TTN: variants seen among roughly 807,000 people sequenced by gnomAD.
TTN encodes connectin.
TTN carries 1,525 observed loss-of-function variants against 3,223.0 expected under a neutral mutation model. That is an observed-to-expected ratio of 0.47 (90% CI 0.45 to 0.49). The LOEUF is 0.49. Among genes scored for constraint, TTN ranks in the 20% least tolerant of loss-of-function variants. The pLI, the probability that TTN is intolerant of heterozygous loss-of-function variation, is 0.00. For missense variants in TTN, 40,786 were observed against 43,424.0 expected (o/e 0.94, Z 5.40); for synonymous variants, 14,094 against 15,161.0 (o/e 0.93, Z 5.17).
In TTN at chr2:178,554,484, T is replaced by C. The variant is rs750981091; in HGVS notation, c.88863A>G (p.Glu29621=). Residue 29621 remains glutamate (E), a synonymous_variant, in exon 332 of 363, where the codon GAA becomes GAG. Transcript: ENST00000589042. ...VNKYGIGEPL[E]SDSVVAKNAF... is the part of the protein sequence containing the mutation. ...CGTTCTTGGCTACAACGGAATCAGA[T>C]TCCAGTGGCTCGCCAATTCCATATT... The C allele has an allele frequency of 1.2e-6, 2 of 1,613,490 alleles. No homozygotes were observed. Among genetic ancestry groups the C allele is most frequent in the African/African-American group, 1.3e-5 (1 of 74,930 alleles).
Position 178,588,539 on chromosome 2 carries a change from T to G in TTN, c.63186A>C (p.Ile21062=). ...PSRPVVAKDP[I]EPPGPPTNFR... ...TCAGAAAAAACAAGGACATCCTACC[T>G]ATGGGGTCTTTTGCCACCACCGGTC... The change falls in exon 304 of 363, where the codon ATA becomes ATC. Residue 21062 remains isoleucine (I), a splice_region_variant and synonymous_variant. Coordinates refer to ENST00000589042, the MANE Select transcript of TTN (RefSeq NM_001267550.2). 6.6e-7 allele frequency: 1 copy of G among 1,523,916 alleles called. No homozygotes were observed. Among genetic ancestry groups the G allele is most frequent in the Non-Finnish European group, 8.8e-7 (1 of 1,139,854 alleles). 94.4% of individuals were successfully genotyped at this position (1,523,916 alleles called of 1,614,324 possible).
chr2:178,527,727 C>A lies in TTN; in HGVS notation c.107399G>T (p.Arg35800Ile). The A allele has an allele frequency of 6.2e-7, 1 of 1,601,808 alleles. No individual in the cohort carries two copies. The highest frequency in any genetic ancestry group is 8.5e-7 in the Non-Finnish European group (1 of 1,172,000). The change falls in exon 362 of 363, where the codon AGA (arginine) becomes ATA (isoleucine). Residue 35800 changes from arginine (R) to isoleucine (I), a missense_variant. By Grantham distance (97) the Arg-to-Ile change is moderately conservative. Coordinates refer to ENST00000589042, the MANE Select transcript of TTN (RefSeq NM_001267550.2). ...MVLPLVEEPS[R>I]EVVLRTSGDT... ...ACCACTTGTTCTCAATACTACCTCTCTGGAAGGTTCTTCAACTAGAGCTGT... is the reference window on the plus strand; with the variant it reads ...ACCACTTGTTCTCAATACTACCTCTATGGAAGGTTCTTCAACTAGAGCTGT...
intron 88 of TTN, among the ~76,000 whole-genome samples, 199 bp from the exon 89 acceptor site, chr2:178,715,973 C>T (rs542404121): frequency 6.6e-6 from 1 of 152,138 alleles, no homozygotes; most frequent in Non-Finnish European, 1.5e-5. Flanking sequence ...TAAGCATCCA[C>T]ATCAAGTATT....
chr2:178,587,079 A>T (rs1478831027), intron 307 of TTN, 39 bp downstream of exon 307: 20 of 1,609,274 alleles, frequency 1.2e-5, no homozygotes, highest in African/African-American at 2.7e-5. Flanking sequence ...CTAAAATAGG[A>T]GACTGGGGTT....
chr2:178,722,152 A>G lies in TTN; in HGVS notation c.22529-18T>C. 1 of 1,536,276 alleles carries G rather than the reference A, an allele frequency of 6.5e-7. No homozygotes were observed. The highest frequency in any genetic ancestry group is 8.7e-7 in the Non-Finnish European group (1 of 1,145,512). On this transcript the variant is annotated intron_variant, in intron 77 of 362. Transcript: ENST00000589042. ...CTTGGGTTCTGGAGGATGAGAAGAAAGGCAATGTGTATTTTTTGTTTGTTT... is the reference window on the plus strand; with the variant it reads ...CTTGGGTTCTGGAGGATGAGAAGAAGGGCAATGTGTATTTTTTGTTTGTTT...
In TTN at chr2:178,773,554, C is replaced by A. The variant is rs369559000; in HGVS notation, c.7502G>T (p.Arg2501Leu). The change falls in exon 32 of 363, where the codon CGA becomes CTA. Residue 2501 changes from arginine to leucine, a missense_variant. Coordinates refer to ENST00000589042, the MANE Select transcript of TTN (RefSeq NM_001267550.2). Reference protein sequence around the residue: ...VQAIVKGTKQRLVINRTHASD... With the variant: ...VQAIVKGTKQLLVINRTHASD... ...AGCATGAGTTCGGTTAATGACTAGT[C>A]GCTGTTTAGTACCTTTCACAATGGC... 6.2e-7 allele frequency: 1 copy of A among 1,613,982 alleles called. No homozygotes were observed. Among genetic ancestry groups the A allele is most frequent in the East Asian group, 2.2e-5 (1 of 44,854 alleles).
Position 178,572,179 on chromosome 2 carries a change from G to A in TTN, c.73953C>T (p.Tyr24651=). The stretch of plus-strand genomic sequence containing the variant: ...TGCCTTTGGTCTGCATCTCCACAAT[G>A]TAGCCTAGAATTCGGCTGCCTCCAT... ...EHDGGSRILG[Y]IVEMQTKGSD... is the part of the protein sequence containing the mutation. Residue 24651 remains tyrosine (Y), a synonymous_variant, in exon 326 of 363, where the codon TAC becomes TAT. Transcript: ENST00000589042. The A allele has an allele frequency of 6.2e-7, 1 of 1,613,432 alleles. No homozygotes were observed. Among genetic ancestry groups the A allele is most frequent in the Non-Finnish European group, 8.5e-7 (1 of 1,179,622 alleles).
At chr2:178,757,465 G>T in intron 45 of TTN, 77 bp downstream of exon 45, 1 of 1,465,218 alleles carries the variant, frequency 6.8e-7, no homozygotes, top group Non-Finnish European at 9.0e-7. Context: ...AAAACAAACA[G>T]CAGAGACTCT....
chr2:178,787,594 G>C (rs1178042242), intron 13 of TTN, among the ~76,000 whole-genome samples: 1 of 152,024 alleles, frequency 6.6e-6, no homozygotes, highest in Non-Finnish European at 1.5e-5. Context: ...CTATGAAGTA[G>C]TCAGCTTAAG....
At chr2:178,727,443 A>G in intron 68 of TTN, 72 bp from the exon 69 acceptor site, 1 of 1,508,278 alleles carries the variant, frequency 6.6e-7, no homozygotes, top group Non-Finnish European at 8.9e-7. Flanking sequence ...GATAGTATAC[A>G]GGCAAGAGAA....
In TTN at chr2:178,709,847, A is replaced by T; in HGVS notation, c.28472T>A (p.Ile9491Asn). The T allele has an allele frequency of 6.2e-7, 1 of 1,611,218 alleles. No homozygotes were observed. The highest frequency in any genetic ancestry group is 8.5e-7 in the Non-Finnish European group (1 of 1,178,372). ...GAGTCTTTTAGTGAAACTTGGTGGG[A>T]TGAGCCGCTCTATAAGAAATTGCAA... Reference protein sequence around the residue: ...TAQLNIKERLIPPSFTKRLSE... With the variant: ...TAQLNIKERLNPPSFTKRLSE... Residue 9491 changes from isoleucine to asparagine, a missense_variant, in exon 99 of 363, where the codon ATC (isoleucine) becomes AAC (asparagine). Ile to Asn is a moderately radical substitution (Grantham distance 149, BLOSUM62 -3). Transcript: ENST00000589042.
intron 316 of TTN, 159 bp from the exon 317 acceptor site, chr2:178,580,768 T>C (rs2047517474): frequency 1.3e-6 from 1 of 742,350 alleles, no homozygotes; most frequent in Non-Finnish European, 2.1e-6. Flanking sequence ...TTTTCTGTTC[T>C]GTACTAATTG....
At chr2:178,613,356 T>A (rs1396877064) in intron 263 of TTN, 80 bp from the exon 264 acceptor site, 1 of 1,063,194 alleles carries the variant, frequency 9.4e-7, no homozygotes, top group Non-Finnish European at 1.4e-6. Flanking sequence ...CAGAAGAGAC[T>A]AATTTATTTA....
Position 178,689,795 on chromosome 2 carries a change from C to T in TTN, c.31846+18G>A, listed in dbSNP as rs528453275. On this transcript the variant is annotated intron_variant, in intron 122 of 362. Coordinates refer to ENST00000589042, the MANE Select transcript of TTN (RefSeq NM_001267550.2). ...ATCAAAGATAAAAGATAGGGCTTTA[C>T]GTCGAAAGCCACTGTACCTTTAGCT... 1.2e-4 allele frequency: 192 copies of T among 1,589,042 alleles called. 3 individuals are homozygous for T. The South Asian group carries it at 1.7e-3, about 14-fold the overall frequency.
At chr2:178,772,521 C>T (rs763812105) in intron 33 of TTN, among the ~76,000 whole-genome samples, 1 of 152,044 alleles carries the variant, frequency 6.6e-6, no homozygotes, top group Non-Finnish European at 1.5e-5. Flanking sequence ...GGTCTTATTT[C>T]TACATGATAT....
rs727504885 is a variant in TTN, at chr2:178,588,077, C to T, written c.63330G>A (p.Ala21110=). 74 of 1,612,810 alleles carry T rather than the reference C, an allele frequency of 4.6e-5. No individual in the cohort carries two copies. The highest frequency in any genetic ancestry group is 1.6e-4 in the Middle Eastern group (1 of 6,072). The stretch of plus-strand genomic sequence containing the variant: ...ACCGTTTCCAGCCTTCATCAGGAGA[C>T]GCATCTGCTATTTTTGGTCTCATTT... ...VVEMRPKIAD[A]SPDEGWKRCN... The change falls in exon 305 of 363, where the codon GCG becomes GCA. Residue 21110 remains alanine, a synonymous_variant. Transcript: ENST00000589042.
In TTN at chr2:178,679,995, G is replaced by A. The variant is rs876658055; in HGVS notation, c.33479C>T (p.Thr11160Ile). 8.1e-6 allele frequency: 13 copies of A among 1,613,078 alleles called. No individual in the cohort carries two copies. In the Middle Eastern group the frequency reaches 6.6e-4, roughly 82 times the overall value. The change falls in exon 140 of 363, where the codon ACC becomes ATC. Residue 11160 changes from threonine (T) to isoleucine (I), a missense_variant. Physicochemically the swap from Thr to Ile is moderately conservative, Grantham distance 89. Transcript: ENST00000589042. ...TTCTACAAGATATTCTTCTACATGG[G>A]TTACAACTTCCTCTTCAAAGGCAAC... ...EEVAFEEEVVTHVEEYLVEEE... is the reference protein window; with the variant it reads ...EEVAFEEEVVIHVEEYLVEEE...
rs1255769105 is a variant in TTN, at chr2:178,695,907, G to A, written c.31165C>T (p.Gln10389Ter). 1.4e-6 allele frequency: 2 copies of A among 1,469,848 alleles called. No homozygotes were observed. Among genetic ancestry groups the A allele is most frequent in the Non-Finnish European group, 1.8e-6 (2 of 1,112,262 alleles). 91.1% of individuals were successfully genotyped at this position (1,469,848 alleles called of 1,614,324 possible). A position where few individuals can be genotyped will look rare whatever the true frequency, so the allele number is the denominator to read the frequency against. ...TGAACTTGAATTACTTCCCTTTCTT[G>A]GTAAGCCTCTTCCCACTCTTCCTCC... Reference protein sequence around the residue: ...EGEEEWEEAYQEREVIQVQKE... With the variant: ...EGEEEWEEAY Residue 10389 changes from glutamine (Q) to a stop codon, truncating the protein, a stop_gained, in exon 114 of 363, where the codon CAA becomes TAA. Transcript: ENST00000589042. LOFTEE classifies it high-confidence loss of function.
chr2:178,598,072 A>G lies in TTN; in HGVS notation c.57112-14T>C, dbSNP rs777473081. On this transcript the variant is annotated splice_polypyrimidine_tract_variant and intron_variant, in intron 292 of 362. Transcript: ENST00000589042. Reference sequence around the variant, plus strand: ...TTTATCTTTACCCTGGGGAGAAATCATAGACATTTTATAATTAGAATAGTT... The same window carrying G: ...TTTATCTTTACCCTGGGGAGAAATCGTAGACATTTTATAATTAGAATAGTT... 14 of 1,607,408 alleles carry G rather than the reference A, an allele frequency of 8.7e-6. No individual in the cohort carries two copies. In the African/African-American group the frequency reaches 1.5e-4, roughly 17 times the overall value.
Sources: allele counts gnomAD v4.1 joint callset (sites outside exome capture counted in the v4.1 genomes callset), GRCh38; gene constraint gnomAD v4.1.1; transcripts MANE v1.5; gene names NCBI Gene and HGNC (gene_info 2026-07-23, HGNC 2026-07-21).